Variants in ANK3 observed in about 807,000 individuals in gnomAD.
ANK3 encodes the protein ankyrin 3.
A neutral mutation model predicts 370.9 loss-of-function variants in ANK3; 57 were observed. The observed-to-expected ratio is 0.15, with a 90% CI of 0.12 to 0.19. The LOEUF is 0.19. Ranked by LOEUF, ANK3 falls within the 10% of genes least tolerant of loss-of-function variation. ANK3 has a pLI of 1.00. For synonymous variants in ANK3, 1,929 were observed against 1,946.3 expected (o/e 0.99, Z 0.23); for missense variants, 4,439 against 5,302.1 (o/e 0.84, Z 5.06).
chr10:60,398,383 G>C (rs1362023520), intron 2 of ANK3, among the ~76,000 whole-genome samples: 4 of 152,128 alleles, frequency 2.6e-5, no homozygotes, highest in African/African-American at 9.7e-5. Flanking sequence ...GGGAAAGGGT[G>C]AATGGACAGC....
At chr10:60,050,864 G>T (rs2077822486) in intron 42 of ANK3, 1 of 149,638 alleles carries the variant, frequency 6.7e-6, no homozygotes, top group Admixed American at 6.6e-5. Flanking sequence ...AATGCAGCTT[G>T]ATTTTTTTCT....
At chr10:60,704,933 T>G (rs1424506341) in intron 1 of ANK3, among the ~76,000 whole-genome samples, 2 of 152,200 alleles carry the variant, frequency 1.3e-5, no homozygotes, top group African/African-American at 4.8e-5. Context: ...AATAGAATCT[T>G]CAGAGTTGGT....
At chr10:60,443,261 A>C (rs1041989714) in intron 2 of ANK3, among the ~76,000 whole-genome samples, 6 of 152,144 alleles carry the variant, frequency 3.9e-5, no homozygotes, top group Admixed American at 3.9e-4. Flanking sequence ...AAAGGTGGGA[A>C]AACATAAAGG....
At chr10:60,188,761 T>C (rs1425317562) in intron 16 of ANK3, among the ~76,000 whole-genome samples, 2 of 152,138 alleles carry the variant, frequency 1.3e-5, no homozygotes, top group African/African-American at 4.8e-5. Context: ...AAAAGAAGAT[T>C]TTATATCCCT....
At chr10:60,554,325 C>T (rs1221622642) in intron 2 of ANK3, among the ~76,000 whole-genome samples, 1 of 152,120 alleles carries the variant, frequency 6.6e-6, no homozygotes, top group East Asian at 1.9e-4. Context: ...GACAGGACTG[C>T]ACCCAGGGAA....
chr10:60,105,791 G>A lies in ANK3; in HGVS notation c.3328+114C>T, dbSNP rs1262029647. On this transcript the variant is annotated intron_variant, in intron 28 of 43. Coordinates refer to ENST00000280772, the MANE Select transcript of ANK3 (RefSeq NM_020987.5). Reference sequence around the variant, plus strand: ...ACAGCAACAAAAGCTGAAGAACTTGGGTCCTAGCTTAAAATACAAATGTGT... The same window carrying A: ...ACAGCAACAAAAGCTGAAGAACTTGAGTCCTAGCTTAAAATACAAATGTGT... The A allele has an allele frequency of 7.2e-6, 8 of 1,114,772 alleles. No homozygotes were observed. The East Asian group carries it at 1.9e-4, about 26-fold the overall frequency. The allele number at this position is 1,114,772 out of a possible 1,614,324, so 69.1% of individuals were successfully genotyped here.
chr10:60,484,307 AAGAC>A (rs1463902233), intron 2 of ANK3, among the ~76,000 whole-genome samples: 54 of 152,184 alleles, frequency 3.5e-4, no homozygotes, highest in African/African-American at 1.3e-3. Flanking sequence ...TAATTAGTAA[AAGAC>A]AGGCACAAAT....
intron 1 of ANK3, among the ~76,000 whole-genome samples, chr10:60,719,546 C>T (rs1281881562): frequency 6.6e-6 from 1 of 152,004 alleles, no homozygotes; most frequent in Non-Finnish European, 1.5e-5. Context: ...AAATAAAATG[C>T]TATCAAATGA....
intron 29 of ANK3, among the ~76,000 whole-genome samples, chr10:60,087,269 C>CCCA (rs1199989793): frequency 6.6e-6 from 1 of 152,160 alleles, no homozygotes; most frequent in Non-Finnish European, 1.5e-5. Context: ...GCAACTCATA[C>CCCA]CCACATAAAA....
Position 60,026,361 on chromosome 10 carries a change from A to G in ANK3, c.*3485T>C, listed in dbSNP as rs1027315712. ...TTTGATCAATTCATGAAACAGAAGC[A>G]GTGTGATATGCCTGGGAAATTACAC... is the stretch of plus-strand genomic sequence containing the variant. On this transcript the variant is annotated 3_prime_UTR_variant, in exon 44 of 44. Coordinates refer to ENST00000280772, the MANE Select transcript of ANK3 (RefSeq NM_020987.5). 5.3e-5 allele frequency: 8 copies of G among 152,380 alleles called. No homozygotes were observed. The highest frequency in any genetic ancestry group is 1.7e-4 in the African/African-American group (7 of 41,596). The allele number at this position is 152,380 out of a possible 1,614,324, so 9.4% of individuals were successfully genotyped here. A position where few individuals can be genotyped will look rare whatever the true frequency, so the allele number is the denominator to read the frequency against.
At chr10:60,118,620 G>C (rs1380781466) in intron 25 of ANK3, among the ~76,000 whole-genome samples, 2 of 152,028 alleles carry the variant, frequency 1.3e-5, no homozygotes, top group Non-Finnish European at 2.9e-5. Flanking sequence ...TTCAGAGTAG[G>C]GCAAAACACT....
At chr10:60,042,477 G>A (rs923820456) in intron 43 of ANK3, among the ~76,000 whole-genome samples, 195 bp downstream of exon 43, 6 of 152,196 alleles carry the variant, frequency 3.9e-5, no homozygotes, top group African/African-American at 1.4e-4. Context: ...TTAATGGACT[G>A]TGAAACCGAA....
chr10:60,604,168 T>C (rs1245034556), intron 2 of ANK3, among the ~76,000 whole-genome samples: 3 of 152,168 alleles, frequency 2.0e-5, no homozygotes, highest in Non-Finnish European at 4.4e-5. Flanking sequence ...CACTGATTTA[T>C]GTCAAAGAGT....
intron 18 of ANK3, among the ~76,000 whole-genome samples, chr10:60,175,378 G>T (rs1051596261): frequency 2.6e-4 from 39 of 152,304 alleles, no homozygotes; most frequent in African/African-American, 9.4e-4. Context: ...GCTCAGAGAG[G>T]TGGGACATGA....
At chr10:60,505,801 G>T (rs906525851) in intron 2 of ANK3, among the ~76,000 whole-genome samples, 2 of 152,038 alleles carry the variant, frequency 1.3e-5, no homozygotes, top group South Asian at 4.1e-4. Context: ...TTTTTAAAAA[G>T]CTCTTTTTTT....
chr10:60,395,572 CTTT>C (rs2063208014), intron 2 of ANK3, among the ~76,000 whole-genome samples: 1 of 112,714 alleles, frequency 8.9e-6, no homozygotes, highest in Non-Finnish European at 1.9e-5. Flanking sequence ...TTCTTTCTTT[CTTT>C]CTTTCTTTCT....
At position 60,481,716 on chromosome 10, in the gene ANK3, G is replaced by A. The variant is rs547847850; in HGVS notation, c.96+133470C>T. On this transcript the variant is annotated intron_variant, in intron 2 of 43. Coordinates refer to the ANK3 transcript ENST00000373827. ...TGACCTCAGGTGATCTGCCTGCCTC[G>A]GCCTCCCAAAGTGCTGGGATTACAG... Among the ~76,000 whole-genome samples, 4 of 152,154 alleles carry A rather than the reference G, an allele frequency of 2.6e-5. No individual in the cohort carries two copies. The East Asian group carries it at 5.8e-4, about 22-fold the overall frequency.
chr10:60,460,650 GTC>G (rs1201076645), intron 2 of ANK3, among the ~76,000 whole-genome samples: 3 of 152,244 alleles, frequency 2.0e-5, no homozygotes, highest in South Asian at 4.1e-4. Flanking sequence ...AGGAGAAAGT[GTC>G]TTAGTTCTCC....
At chr10:60,464,444 T>G (rs1377175821) in intron 2 of ANK3, among the ~76,000 whole-genome samples, 1 of 152,170 alleles carries the variant, frequency 6.6e-6, no homozygotes, top group African/African-American at 2.4e-5. Context: ...ACATAATTGG[T>G]CAAAGATTCA....
Sources: gnomAD v4.1 joint callset for allele counts (sites outside exome capture counted in the v4.1 genomes callset) on GRCh38, gnomAD v4.1.1 for gene constraint, MANE v1.5 for transcripts, NCBI Gene and HGNC (gene_info 2026-07-23, HGNC 2026-07-21) for gene names.